The following LRP8 variants were observed in gnomAD, a reference collection of about 807,000 sequenced individuals.
LRP8 encodes LDL receptor related protein 8.
LRP8 carries 46 observed loss-of-function variants against 111.6 expected under a neutral mutation model. The observed-to-expected ratio is 0.41, with a 90% CI of 0.33 to 0.53. The LOEUF (loss-of-function observed/expected upper bound fraction) is 0.53, where lower values mean the gene tolerates loss of function less well. Ranked by LOEUF, LRP8 falls within the 20% of genes least tolerant of loss-of-function variation. The pLI is 0.20. For synonymous variants in LRP8, 464 were observed against 511.2 expected (o/e 0.91, Z 1.24); for missense variants, 959 against 1,297.4 (o/e 0.74, Z 4.01).
intron 2 of LRP8, among the ~76,000 whole-genome samples, chr1:53,300,337 G>T (rs1316980411): frequency 6.6e-6 from 1 of 152,202 alleles, no homozygotes; most frequent in East Asian, 1.9e-4. Flanking sequence ...AGCTGTTCAT[G>T]GTGTCTGACA....
intron 2 of LRP8, among the ~76,000 whole-genome samples, chr1:53,324,386 C>G (rs1203521191): frequency 1.3e-5 from 2 of 152,180 alleles, no homozygotes; most frequent in Non-Finnish European, 2.9e-5. Flanking sequence ...TTATGGCTAC[C>G]AGGAGTCCGT....
At position 53,243,383 on chromosome 1, in the gene LRP8, C is replaced by T. The variant is rs1645676300; in HGVS notation, c.*3635G>A. ...CTGCCCTTATATTAGTCTTCATTGA[C>T]CATATAAAAAATCTTTGACTCAAAT... On this transcript the variant is annotated 3_prime_UTR_variant, in exon 19 of 19. Transcript: ENST00000306052. 6.6e-6 allele frequency: 1 copy of T among 152,156 alleles called. No individual in the cohort carries two copies. The highest frequency in any genetic ancestry group is 1.5e-5 in the Non-Finnish European group (1 of 68,032). The allele number at this position is 152,156 out of a possible 1,614,324, so 9.4% of individuals were successfully genotyped here.
chr1:53,267,568 G>A (rs1267067559), intron 8 of LRP8: 1 of 152,244 alleles, frequency 6.6e-6, no homozygotes, highest in Non-Finnish European at 1.5e-5. Context: ...AAGGTCCTAT[G>A]AGCTGGGTGA....
At chr1:53,280,864 G>A (rs1647085793) in intron 3 of LRP8, 149 bp from the exon 4 acceptor site, 3 of 984,332 alleles carry the variant, frequency 3.0e-6, no homozygotes, top group Non-Finnish European at 2.9e-6. Context: ...TTCATCAGCT[G>A]AGAAGAAGCC....
intron 1 of LRP8, 50 bp downstream of exon 1, chr1:53,327,739 G>T: frequency 7.1e-7 from 1 of 1,413,506 alleles, no homozygotes; most frequent in Non-Finnish European, 9.3e-7. Context: ...GCCGCGCTTT[G>T]TTGGTGGCTA....
Position 53,266,121 on chromosome 1 carries a change from C to A in LRP8, c.1427+352G>T, listed in dbSNP as rs914164719. On this transcript the variant is annotated intron_variant, in intron 9 of 18. Coordinates refer to ENST00000306052, the MANE Select transcript of LRP8 (RefSeq NM_004631.5). This position sits in a 1 kb window ranked among gnomAD's most constrained non-coding sequence, Gnocchi z 5.0. ...GGGACCAGGTCTAAGTCCCCAGGTT[C>A]CAACACACAGGGATGTGAGCTGCTT... is the stretch of plus-strand genomic sequence containing the variant. Among the ~76,000 whole-genome samples the A allele has an allele frequency of 1.6e-4, 24 of 152,250 alleles. No homozygotes were observed. In the East Asian group the frequency reaches 4.6e-3, roughly 29 times the overall value.
At chr1:53,268,022 C>T (rs1287347330) in intron 8 of LRP8, 2 of 152,446 alleles carry the variant, frequency 1.3e-5, no homozygotes, top group Admixed American at 1.3e-4. Flanking sequence ...CAGGTAGGGC[C>T]TGGGGCTGGG....
At chr1:53,248,572 A>G (rs553486980) in intron 18 of LRP8, among the ~76,000 whole-genome samples, 19 of 152,368 alleles carry the variant, frequency 1.2e-4, no homozygotes, top group Admixed American at 6.5e-4. Flanking sequence ...TTCAATTTCT[A>G]TGAGTCTCAG....
At chr1:53,248,868 C>T (rs1209668825) in intron 18 of LRP8, among the ~76,000 whole-genome samples, 5 of 152,230 alleles carry the variant, frequency 3.3e-5, no homozygotes, top group Non-Finnish European at 5.9e-5. Flanking sequence ...CGTGCTATCT[C>T]ACTTGTACTT....
chr1:53,286,318 G>C lies in LRP8; in HGVS notation c.367+3249C>G, dbSNP rs1280654920. On this transcript the variant is annotated intron_variant, in intron 3 of 18. Coordinates refer to ENST00000306052, the MANE Select transcript of LRP8 (RefSeq NM_004631.5). ...TGGGTCAGTCCCTAACTTACTGAGT[G>C]AGCTCAGAAAATCTCTGGGCCTCCA... Among the ~76,000 whole-genome samples, 3 of 152,328 alleles carry C rather than the reference G, an allele frequency of 2.0e-5. No homozygotes were observed. The East Asian group carries it at 5.8e-4, about 29-fold the overall frequency.
chr1:53,272,503 C>A, intron 6 of LRP8: 1 of 1,099,650 alleles, frequency 9.1e-7, no homozygotes, highest in South Asian at 1.3e-5. Context: ...CCAGCCATGG[C>A]CATGCATATA....
intron 2 of LRP8, among the ~76,000 whole-genome samples, chr1:53,310,403 T>C (rs1220909042): frequency 1.3e-5 from 2 of 152,036 alleles, no homozygotes; most frequent in African/African-American, 4.8e-5. Context: ...CCGTGTGACC[T>C]GGAGGAAGTC....
intron 2 of LRP8, among the ~76,000 whole-genome samples, chr1:53,296,476 C>T (rs570304600): frequency 2.6e-5 from 4 of 152,302 alleles, no homozygotes; most frequent in African/African-American, 7.2e-5. Context: ...GTACCCGGGT[C>T]GGGGAGATGA....
intron 3 of LRP8, chr1:53,288,537 T>G (rs563813260): frequency 6.6e-6 from 1 of 151,930 alleles, no homozygotes; most frequent in Non-Finnish European, 1.5e-5. Context: ...TGCTCTGTTC[T>G]CTCTCTCTCC....
intron 6 of LRP8, chr1:53,272,496 G>T: frequency 9.4e-7 from 1 of 1,066,396 alleles, no homozygotes; most frequent in Non-Finnish European, 1.3e-6. Context: ...AGCTGAGCCA[G>T]CCATGGCCAT....
At position 53,253,063 on chromosome 1, in the gene LRP8, T is replaced by C. The variant is rs567634825; in HGVS notation, c.2503+2054A>G. 5.9e-5 allele frequency among the ~76,000 whole-genome samples: 9 copies of C among 152,182 alleles called. No individual in the cohort carries two copies. In the East Asian group the frequency reaches 1.7e-3, roughly 29 times the overall value. Reference sequence around the variant, plus strand: ...GTTTTGGGGAAACTAGACAGGTATATAGAGAAAAAAACAGTTAAATCTCTA... The same window carrying C: ...GTTTTGGGGAAACTAGACAGGTATACAGAGAAAAAAACAGTTAAATCTCTA... On this transcript the variant is annotated intron_variant, in intron 16 of 18. Coordinates refer to ENST00000306052, the MANE Select transcript of LRP8 (RefSeq NM_004631.5).
intron 15 of LRP8, among the ~76,000 whole-genome samples, chr1:53,256,665 G>T (rs1646099939): frequency 6.6e-6 from 1 of 152,262 alleles, no homozygotes; most frequent in Admixed American, 6.5e-5. Flanking sequence ...TGATTAATGA[G>T]ATAGAACATT....
chr1:53,285,720 A>T (rs1380842638), intron 3 of LRP8, among the ~76,000 whole-genome samples: 1 of 152,194 alleles, frequency 6.6e-6, no homozygotes, highest in East Asian at 1.9e-4. Context: ...GCACATTATA[A>T]GTCCACATGG....
At position 53,257,379 on chromosome 1, in the gene LRP8, G is replaced by A. The variant is rs138088445; in HGVS notation, c.2295C>T (p.Val765=). The A allele has an allele frequency of 6.8e-6, 11 of 1,614,200 alleles. No individual in the cohort carries two copies. In the South Asian group the frequency reaches 1.1e-4, roughly 16 times the overall value. ...TGTGGTTCTGGTAGGTGGATCTGTG[G>A]ACGGTGGTCCCGGGGGCTCTTGTGG... is the stretch of plus-strand genomic sequence containing the variant. ...PATTRAPGTT[V]HRSTYQNHST... is the part of the protein sequence containing the mutation. The change falls in exon 15 of 19, where the codon GTC becomes GTT. Residue 765 remains valine (V), a synonymous_variant. Coordinates refer to ENST00000306052, the MANE Select transcript of LRP8 (RefSeq NM_004631.5).
Sources: allele counts gnomAD v4.1 joint callset (sites outside exome capture counted in the v4.1 genomes callset), GRCh38; gene constraint gnomAD v4.1.1; non-coding constraint Gnocchi (gnomAD v3.1); transcripts MANE v1.5; gene names NCBI Gene and HGNC (gene_info 2026-07-23, HGNC 2026-07-21).